SYNPR: variants seen among roughly 807,000 people sequenced by gnomAD.
SYNPR encodes the protein synaptoporin.
In SYNPR, 23 loss-of-function variants were observed where a neutral mutation model predicts 32.9. The observed-to-expected ratio is 0.70, with a 90% confidence interval of 0.50 to 0.99. The LOEUF (loss-of-function observed/expected upper bound fraction) is 0.99. Among genes scored for constraint, SYNPR ranks in the 50% least tolerant of loss-of-function variants. SYNPR has a pLI of 0.00. For synonymous variants in SYNPR, 146 were observed against 135.9 expected, an observed-to-expected ratio of 1.07 and a Z score of -0.52; for missense variants, 318 against 349.3, an observed-to-expected ratio of 0.91 and a Z score of 0.71.
chr3:63,246,323 T>G (rs372376146), intron 1 of SYNPR, among the ~76,000 whole-genome samples: 1 of 152,116 alleles, frequency 6.6e-6, no homozygotes, highest in Non-Finnish European at 1.5e-5. Context: ...AGAGCTGATG[T>G]TGGAGGTGTG....
chr3:63,562,323 C>G (rs1230725546), intron 4 of SYNPR, among the ~76,000 whole-genome samples: 2 of 152,120 alleles, frequency 1.3e-5, no homozygotes, highest in Non-Finnish European at 2.9e-5. Context: ...CTTGAATGCT[C>G]TAAGAATGAG....
At chr3:63,348,721 T>G (rs184443904) in intron 2 of SYNPR, among the ~76,000 whole-genome samples, 7 of 152,336 alleles carry the variant, frequency 4.6e-5, no homozygotes, top group African/African-American at 1.7e-4. Context: ...GAGAGATAGA[T>G]ATCCAATTTT....
chr3:63,493,815 C>CAAAAAAAAA (rs3083190), intron 3 of SYNPR, among the ~76,000 whole-genome samples: 1 of 75,096 alleles, frequency 1.3e-5, no homozygotes, highest in Non-Finnish European at 2.4e-5. Context: ...GACTCTGTCT[C>CAAAAAAAAA]AAAAAAAAAA....
intron 3 of SYNPR, among the ~76,000 whole-genome samples, chr3:63,489,138 G>A (rs571205068): frequency 1.1e-4 from 17 of 152,272 alleles, no homozygotes; most frequent in African/African-American, 3.8e-4. Flanking sequence ...ACATGAGACA[G>A]GGAAGGGAAG....
chr3:63,441,686 A>T (rs6801210), intron 2 of SYNPR, among the ~76,000 whole-genome samples: 36,133 of 152,050 alleles, frequency 0.24, 4,652 homozygotes, highest in South Asian at 0.41. Context: ...AGGGGTGGCC[A>T]CAGGGGAGTG....
At chr3:63,245,872 A>C (rs1419315154) in intron 1 of SYNPR, among the ~76,000 whole-genome samples, 2 of 151,962 alleles carry the variant, frequency 1.3e-5, no homozygotes, top group African/African-American at 4.8e-5. Context: ...GAACAGTCTG[A>C]ATATTCATTA....
chr3:63,473,091 A>G (rs1444233628), intron 2 of SYNPR, among the ~76,000 whole-genome samples: 1 of 152,104 alleles, frequency 6.6e-6, no homozygotes, highest in African/African-American at 2.4e-5. Flanking sequence ...CCAAATGCAC[A>G]GCCCAAATGT....
chr3:63,455,161 C>T (rs1379760505), intron 2 of SYNPR, among the ~76,000 whole-genome samples: 1 of 152,074 alleles, frequency 6.6e-6, no homozygotes, highest in African/African-American at 2.4e-5. Flanking sequence ...AATGTTACCT[C>T]TCTCCTTATT....
intron 2 of SYNPR, among the ~76,000 whole-genome samples, chr3:63,312,549 G>GA (rs910877683): frequency 5.9e-5 from 9 of 151,282 alleles, no homozygotes; most frequent in African/African-American, 1.2e-4. Flanking sequence ...TCTACTTTCA[G>GA]AAAAAAAAGA....
chr3:63,594,073 T>C lies in SYNPR; in HGVS notation c.409-15052T>C, dbSNP rs144252485. Among the ~76,000 whole-genome samples, 425 of 152,322 alleles carry C rather than the reference T, an allele frequency of 2.8e-3. 12 individuals are homozygous for C. In the East Asian group the frequency reaches 0.059, roughly 21 times the overall value. ...CTCTCTATTTACTTAACTTCTCTGATCTTTTCCTTCTTCATTTGTAAAATA... is the reference window on the plus strand; with the variant it reads ...CTCTCTATTTACTTAACTTCTCTGACCTTTTCCTTCTTCATTTGTAAAATA... On this transcript the variant is annotated intron_variant, in intron 4 of 5. Transcript: ENST00000478300.
chr3:63,575,475 C>T (rs934438380), intron 4 of SYNPR, among the ~76,000 whole-genome samples: 2 of 152,124 alleles, frequency 1.3e-5, no homozygotes, highest in Non-Finnish European at 2.9e-5. Context: ...TGCTTAGGAA[C>T]CAATTAGAGA....
chr3:63,300,341 C>CTA (rs2086831641), intron 2 of SYNPR, among the ~76,000 whole-genome samples: 1 of 151,928 alleles, frequency 6.6e-6, no homozygotes, highest in African/African-American at 2.4e-5. Context: ...TTCTATCTAT[C>CTA]TATCTATCTA....
At chr3:63,555,914 T>C (rs1236713631) in intron 3 of SYNPR, among the ~76,000 whole-genome samples, 3 of 152,156 alleles carry the variant, frequency 2.0e-5, no homozygotes, top group African/African-American at 7.2e-5. Flanking sequence ...AGTGATGTAA[T>C]AGCAAATGCC....
chr3:63,210,677 A>G, the SYNPR span, among the ~76,000 whole-genome samples: 1 of 152,212 alleles, frequency 6.6e-6, no homozygotes, highest in Non-Finnish European at 1.5e-5. Context: ...AGAAGTAAAA[A>G]CACCTGGTAA....
intron 3 of SYNPR, among the ~76,000 whole-genome samples, chr3:63,494,458 T>TATATAC (rs1559516404): frequency 7.6e-6 from 1 of 132,268 alleles, no homozygotes; most frequent in Non-Finnish European, 1.6e-5. Context: ...CACATATATA[T>TATATAC]ACATATATAC....
intron 2 of SYNPR, among the ~76,000 whole-genome samples, chr3:63,479,197 T>A (rs2106693970): frequency 6.6e-6 from 1 of 152,316 alleles, no homozygotes; most frequent in East Asian, 1.9e-4. Context: ...GCCAGACAGA[T>A]TTGGCTAGGG....
intron 2 of SYNPR, among the ~76,000 whole-genome samples, chr3:63,399,907 C>T (rs1209718975): frequency 6.6e-6 from 1 of 152,126 alleles, no homozygotes; most frequent in Non-Finnish European, 1.5e-5. Flanking sequence ...AAAAGGCTTC[C>T]CCATTTTTTG....
chr3:63,392,205 A>G (rs779198082), intron 2 of SYNPR, among the ~76,000 whole-genome samples: 1 of 152,220 alleles, frequency 6.6e-6, no homozygotes, highest in Non-Finnish European at 1.5e-5. Flanking sequence ...ATGCATTAGT[A>G]TACTCAAAGT....
intron 2 of SYNPR, among the ~76,000 whole-genome samples, chr3:63,292,378 C>G (rs1210960738): frequency 6.6e-6 from 1 of 152,130 alleles, no homozygotes; most frequent in African/African-American, 2.4e-5. Context: ...AAAATCTGTT[C>G]TAGCTATTTG....
Sources: allele counts gnomAD v4.1 joint callset (sites outside exome capture counted in the v4.1 genomes callset), GRCh38; gene constraint gnomAD v4.1.1; transcripts MANE v1.5; gene names NCBI Gene and HGNC (gene_info 2026-07-23, HGNC 2026-07-21).